SLC41A3: variants seen among roughly 807,000 people sequenced by gnomAD.
SLC41A3 encodes the protein solute carrier family 41 member 3.
A neutral mutation model predicts 45.4 loss-of-function variants in SLC41A3; 44 were observed. The ratio of observed to expected loss-of-function variants is 0.97; its 90% CI spans 0.76 to 1.25. The LOEUF is 1.25. SLC41A3 is among the 50% of genes most tolerant of loss of function. The pLI is 0.00. For missense variants in SLC41A3, 550 were observed against 600.6 expected (o/e 0.92, Z 0.88); for synonymous variants, 256 against 252.4 (o/e 1.01, Z -0.13).
chr3:126,032,158 G>A (rs1231034461), intron 4 of SLC41A3, among the ~76,000 whole-genome samples: 2 of 152,220 alleles, frequency 1.3e-5, no homozygotes, highest in African/African-American at 4.8e-5. Context: ...TGGGCAGGAA[G>A]CTGGTAAGAC....
At chr3:126,096,746 G>A (rs1382545140) in intron 1 of SLC41A3, among the ~76,000 whole-genome samples, 3 of 152,102 alleles carry the variant, frequency 2.0e-5, no homozygotes, top group South Asian at 2.1e-4. Flanking sequence ...TAATAAATAC[G>A]TGGGTAAATC....
intron 3 of SLC41A3, among the ~76,000 whole-genome samples, chr3:126,035,061 T>G (rs1244433344): frequency 6.6e-6 from 1 of 152,156 alleles, no homozygotes; most frequent in Admixed American, 6.5e-5. Flanking sequence ...GGCAGGAGGC[T>G]GAGGAGCTCA....
chr3:126,043,287 T>TA (rs1942713029), intron 3 of SLC41A3, among the ~76,000 whole-genome samples: 1 of 152,090 alleles, frequency 6.6e-6, no homozygotes, highest in Non-Finnish European at 1.5e-5. Flanking sequence ...CTGAGAATTC[T>TA]GTATCTGGCA....
At chr3:126,055,794 C>T (rs1943618450) in intron 2 of SLC41A3, among the ~76,000 whole-genome samples, 1 of 152,194 alleles carries the variant, frequency 6.6e-6, no homozygotes, top group Non-Finnish European at 1.5e-5. Flanking sequence ...CACGCCTCCA[C>T]TGCAGGGAGA....
chr3:126,035,008 G>T (rs994400310), intron 3 of SLC41A3, among the ~76,000 whole-genome samples: 3 of 152,364 alleles, frequency 2.0e-5, no homozygotes, highest in Admixed American at 6.5e-5. Context: ...CTGAGCGAAG[G>T]CTGCACAAAG....
At chr3:126,073,338 G>A (rs1404761808) in intron 1 of SLC41A3, 1 of 152,282 alleles carries the variant, frequency 6.6e-6, no homozygotes, top group African/African-American at 2.4e-5. Context: ...TCAGGAGGCT[G>A]AGGCAGGTGG....
chr3:126,056,445 G>A, intron 2 of SLC41A3: 1 of 1,614,224 alleles, frequency 6.2e-7, no homozygotes, highest in East Asian at 2.2e-5. Context: ...TGATGGTGAA[G>A]AAAGATTCAG....
intron 1 of SLC41A3, among the ~76,000 whole-genome samples, chr3:126,071,988 T>C (rs1944642053): frequency 1.3e-5 from 2 of 152,074 alleles, no homozygotes; most frequent in Admixed American, 6.6e-5. Context: ...TTGCTCAGGC[T>C]GGTCTCAAAC....
At chr3:126,016,622 C>T (rs1002752952) in intron 7 of SLC41A3, 109 bp downstream of exon 7, 15 of 1,393,446 alleles carry the variant, frequency 1.1e-5, no homozygotes, top group Non-Finnish European at 1.3e-5. Context: ...GAGCCCACAG[C>T]TACATTTCAC....
At chr3:126,064,304 G>A (rs778180346) in intron 2 of SLC41A3, among the ~76,000 whole-genome samples, 4 of 152,002 alleles carry the variant, frequency 2.6e-5, no homozygotes, top group Non-Finnish European at 4.4e-5. Flanking sequence ...CCACATCCCC[G>A]AGGAGCACGC....
intron 1 of SLC41A3, among the ~76,000 whole-genome samples, chr3:126,076,832 A>T (rs1311913243): frequency 6.6e-6 from 1 of 152,182 alleles, no homozygotes; most frequent in Non-Finnish European, 1.5e-5. Flanking sequence ...CAACAAAGTA[A>T]CACTCCACGG....
intron 1 of SLC41A3, among the ~76,000 whole-genome samples, chr3:126,074,108 GC>G (rs1427090168): frequency 6.6e-6 from 1 of 151,990 alleles, no homozygotes; most frequent in African/African-American, 2.4e-5. Context: ...CACAGAAAAA[GC>G]ATTTGGCAAC....
intron 6 of SLC41A3, among the ~76,000 whole-genome samples, chr3:126,022,201 A>G (rs1940946357): frequency 1.3e-5 from 2 of 152,250 alleles, no homozygotes; most frequent in Non-Finnish European, 2.9e-5. Context: ...TGAAATTGCC[A>G]CAAAGTTGCC....
At chr3:126,085,983 A>G (rs1945378362), upstream of SLC41A3, among the ~76,000 whole-genome samples, 1 of 152,190 alleles carries the variant, frequency 6.6e-6, no homozygotes, top group Non-Finnish European at 1.5e-5. Flanking sequence ...AGAAACTGAG[A>G]CATGTAACAG....
At chr3:126,050,794 C>T in intron 3 of SLC41A3, 149 bp downstream of exon 3, 2 of 1,339,878 alleles carry the variant, frequency 1.5e-6, no homozygotes, top group Non-Finnish European at 1.9e-6. Flanking sequence ...GGGAGAGGGA[C>T]AAGGGACAGC....
At chr3:126,043,871 A>G (rs1412940470) in intron 3 of SLC41A3, among the ~76,000 whole-genome samples, 1 of 152,052 alleles carries the variant, frequency 6.6e-6, no homozygotes, top group Non-Finnish European at 1.5e-5. Context: ...GGAAGAAATA[A>G]GAGACAAAAA....
chr3:126,097,118 C>T (rs985754075), intron 1 of SLC41A3, among the ~76,000 whole-genome samples: 35 of 152,206 alleles, frequency 2.3e-4, no homozygotes, highest in Admixed American at 2.2e-3. Context: ...TATAAGCTCC[C>T]TTCTTTCCCA....
At chr3:126,080,229 T>A (rs1945082661) in intron 1 of SLC41A3, among the ~76,000 whole-genome samples, 1 of 152,018 alleles carries the variant, frequency 6.6e-6, no homozygotes, top group Non-Finnish European at 1.5e-5. Flanking sequence ...TACATCAAGC[T>A]AAAAAGTTTC....
In SLC41A3 at chr3:126,006,993, C is replaced by T; in HGVS notation, c.*23G>A. ...TGATGTGAGAGGAAATTCTAATGAG[C>T]AAATGGGACCAGCGGGGCCCAGTTA... On this transcript the variant is annotated 3_prime_UTR_variant, in exon 11 of 11. Coordinates refer to ENST00000360370, the MANE Select transcript of SLC41A3 (RefSeq NM_017836.4). 6.2e-7 allele frequency: 1 copy of T among 1,613,916 alleles called. No homozygotes were observed. The highest frequency in any genetic ancestry group is 8.5e-7 in the Non-Finnish European group (1 of 1,179,858).
Sources: gnomAD v4.1 joint callset for allele counts (sites outside exome capture counted in the v4.1 genomes callset) on GRCh38, gnomAD v4.1.1 for gene constraint, MANE v1.5 for transcripts, NCBI Gene and HGNC (gene_info 2026-07-23, HGNC 2026-07-21) for gene names.